The following PIK3C3 variants were observed in gnomAD, a reference collection of about 807,000 sequenced individuals.
The protein encoded by PIK3C3 is PI3-kinase type 3.
PIK3C3 carries 95 observed loss-of-function variants against 126.1 expected under a neutral mutation model. The observed-to-expected ratio is 0.75, with a 90% CI of 0.64 to 0.89. The LOEUF (loss-of-function observed/expected upper bound fraction) is 0.89, where lower values mean the gene tolerates loss of function less well. Among genes scored for constraint, PIK3C3 ranks in the 40% least tolerant of loss-of-function variants. PIK3C3 has a pLI of 0.00. For missense variants in PIK3C3, 829 were observed against 1,063.2 expected (o/e 0.78, Z 3.06); for synonymous variants, 374 against 360.0 (o/e 1.04, Z -0.44).
chr18:42,079,695 T>C (rs1366791293), intron 24 of PIK3C3, among the ~76,000 whole-genome samples: 1 of 152,214 alleles, frequency 6.6e-6, no homozygotes, highest in Admixed American at 6.5e-5. Flanking sequence ...TTGTCATACA[T>C]AGACGCATAC....
chr18:42,030,169 C>A (rs1983759593), intron 15 of PIK3C3, among the ~76,000 whole-genome samples: 1 of 152,142 alleles, frequency 6.6e-6, no homozygotes, highest in Non-Finnish European at 1.5e-5. Flanking sequence ...ATCATTTAGA[C>A]TAGAATTCTT....
rs373306733 is a variant in PIK3C3, at chr18:41,993,272, C to A, written c.717C>A (p.Asp239Glu). Residue 239 changes from aspartate to glutamate, a missense_variant and splice_region_variant, in exon 7 of 25, where the codon GAC (aspartate) becomes GAA (glutamate). Physicochemically the swap from Asp to Glu is conservative, Grantham distance 45. Coordinates refer to ENST00000262039, the MANE Select transcript of PIK3C3 (RefSeq NM_002647.4). ...AAAATTATTGCTCTGTAATCTAGGACGGTGATGAATCATCTCCAATTTTAA... is the reference window on the plus strand; with the variant it reads ...AAAATTATTGCTCTGTAATCTAGGAAGGTGATGAATCATCTCCAATTTTAA... ...KEYGIVYYEK[D>E]GDESSPILTS... The A allele has an allele frequency of 6.3e-7, 1 of 1,595,024 alleles. No individual in the cohort carries two copies. The highest frequency in any genetic ancestry group is 8.6e-7 in the Non-Finnish European group (1 of 1,163,898).
At chr18:42,050,386 C>CT (rs1984749028) in intron 21 of PIK3C3, 1 of 152,216 alleles carries the variant, frequency 6.6e-6, no homozygotes, top group Non-Finnish European at 1.5e-5. Context: ...AGCTTCCAGA[C>CT]TTACAGCTTT....
At chr18:42,049,098 C>A (rs1421887680) in intron 20 of PIK3C3, among the ~76,000 whole-genome samples, 1 of 152,142 alleles carries the variant, frequency 6.6e-6, no homozygotes, top group Admixed American at 6.5e-5. Flanking sequence ...ATTTGGTTTT[C>A]TATCTGCTTC....
chr18:41,961,567 C>A (rs1236226469), intron 2 of PIK3C3, among the ~76,000 whole-genome samples: 1 of 151,406 alleles, frequency 6.6e-6, no homozygotes, highest in African/African-American at 2.5e-5. Context: ...AATGTTTTAG[C>A]AATACAGATG....
chr18:41,956,548 CT>C lies in PIK3C3; in HGVS notation c.69-1000del, dbSNP rs57601171. On this transcript the variant is annotated intron_variant, in intron 1 of 24. Coordinates refer to ENST00000262039, the MANE Select transcript of PIK3C3 (RefSeq NM_002647.4). ...AAGAAAAAGCCAAAAAAACCGGTCC[CT>C]TTTTTTTTTTTTTTTTTTTTTGGAG... Among the ~76,000 whole-genome samples the C allele has an allele frequency of 9.3e-3, 933 of 100,220 alleles. 2 individuals are homozygous for C. Among genetic ancestry groups the C allele is most frequent in the African/African-American group, 0.024 (580 of 23,954 alleles). 65.7% of individuals were successfully genotyped at this position (100,220 alleles called of 152,430 possible).
chr18:42,040,074 T>C (rs906243494), intron 18 of PIK3C3, among the ~76,000 whole-genome samples: 3 of 151,878 alleles, frequency 2.0e-5, no homozygotes, highest in African/African-American at 4.8e-5. Context: ...TTTTAATATA[T>C]CCATTGTTTT....
At chr18:42,080,772 C>T (rs1396817361) in intron 24 of PIK3C3, among the ~76,000 whole-genome samples, 1 of 152,186 alleles carries the variant, frequency 6.6e-6, no homozygotes, top group Non-Finnish European at 1.5e-5. Context: ...GAACCAAGCA[C>T]ACTACTCAAA....
At position 42,013,383 on chromosome 18, in the gene PIK3C3, T is replaced by C. The variant is rs1240173030; in HGVS notation, c.1171-59T>C. 4 of 941,214 alleles carry C rather than the reference T, an allele frequency of 4.2e-6. No individual in the cohort carries two copies. The African/African-American group carries it at 6.9e-5, about 16-fold the overall frequency. 58.3% of individuals were successfully genotyped at this position (941,214 alleles called of 1,614,324 possible). A position where few individuals can be genotyped will look rare whatever the true frequency, so the allele number is the denominator to read the frequency against. On this transcript the variant is annotated intron_variant, in intron 10 of 24. Coordinates refer to ENST00000262039, the MANE Select transcript of PIK3C3 (RefSeq NM_002647.4). Reference sequence around the variant, plus strand: ...TTACTTGATATTTAGGAATAAATTATGTCTGTAATAATTTTGCATTCTTTT... The same window carrying C: ...TTACTTGATATTTAGGAATAAATTACGTCTGTAATAATTTTGCATTCTTTT...
chr18:42,068,248 G>C (rs1985622937), intron 24 of PIK3C3, among the ~76,000 whole-genome samples: 1 of 152,134 alleles, frequency 6.6e-6, no homozygotes, highest in African/African-American at 2.4e-5. Context: ...TAAACTTTAT[G>C]ATACCTAGGT....
Position 42,055,320 on chromosome 18 carries a change from T to C in PIK3C3, c.2264-2563T>C, listed in dbSNP as rs145792414. Among the ~76,000 whole-genome samples, 19 of 152,278 alleles carry C rather than the reference T, an allele frequency of 1.2e-4. No individual in the cohort carries two copies. In the East Asian group the frequency reaches 3.5e-3, roughly 28 times the overall value. On this transcript the variant is annotated intron_variant, in intron 21 of 24. Coordinates refer to ENST00000262039, the MANE Select transcript of PIK3C3 (RefSeq NM_002647.4). The stretch of plus-strand genomic sequence containing the variant: ...TACTGAAAACTATTATTGAAAAATA[T>C]TGCATCATTGTGCTTTTAACTGAGT...
chr18:42,041,114 G>A lies in PIK3C3; in HGVS notation c.2103+373G>A, dbSNP rs144940086. Among the ~76,000 whole-genome samples the A allele has an allele frequency of 4.4e-3, 674 of 152,108 alleles. 4 individuals carry two copies. The highest frequency in any genetic ancestry group is 0.016 in the African/African-American group (650 of 41,490). ...GGAGAATCGCTTGAACCCGCGAGGT[G>A]GAGACTGCAGTGAGCTGAGATCACA... On this transcript the variant is annotated intron_variant, in intron 19 of 24. Transcript: ENST00000262039.
chr18:42,008,999 T>C (rs1275721349), intron 10 of PIK3C3, among the ~76,000 whole-genome samples: 1 of 152,140 alleles, frequency 6.6e-6, no homozygotes, highest in Non-Finnish European at 1.5e-5. Flanking sequence ...GGTAATAGAT[T>C]GAGCAGCACT....
chr18:42,061,776 A>C (rs1347881410), intron 22 of PIK3C3, among the ~76,000 whole-genome samples: 2 of 152,222 alleles, frequency 1.3e-5, no homozygotes, highest in Non-Finnish European at 2.9e-5. Context: ...TCTAACCTTT[A>C]TATTTATTTC....
chr18:42,023,049 C>T (rs1380978928), intron 13 of PIK3C3, among the ~76,000 whole-genome samples: 1 of 152,048 alleles, frequency 6.6e-6, no homozygotes, highest in African/African-American at 2.4e-5. Flanking sequence ...TTCAAAGCTT[C>T]TTAGGTATTT....
At chr18:42,003,152 G>T (rs2144379769) in intron 9 of PIK3C3, among the ~76,000 whole-genome samples, 1 of 152,226 alleles carries the variant, frequency 6.6e-6, no homozygotes, top group Non-Finnish European at 1.5e-5. Flanking sequence ...ATAAAATCAA[G>T]AATAAGTTAG....
chr18:41,970,548 A>T (rs1405903581), intron 4 of PIK3C3, 92 bp downstream of exon 4: 19 of 1,090,406 alleles, frequency 1.7e-5, no homozygotes, highest in Middle Eastern at 2.0e-4. Flanking sequence ...TCAGATTTTT[A>T]AAAAATCTAA....
intron 24 of PIK3C3, among the ~76,000 whole-genome samples, chr18:42,080,093 T>A (rs1986195859): frequency 6.6e-6 from 1 of 151,898 alleles, no homozygotes; most frequent in Admixed American, 6.6e-5. Context: ...TCCCACAGAA[T>A]CTGAGACACT....
chr18:41,963,044 G>C (rs910925868), intron 3 of PIK3C3, among the ~76,000 whole-genome samples: 1 of 151,922 alleles, frequency 6.6e-6, no homozygotes, highest in South Asian at 2.1e-4. Context: ...TGATAGAAAA[G>C]ATAATTCAGT....
Sources: gnomAD v4.1 joint callset for allele counts (sites outside exome capture counted in the v4.1 genomes callset) on GRCh38, gnomAD v4.1.1 for gene constraint, MANE v1.5 for transcripts, NCBI Gene and HGNC (gene_info 2026-07-23, HGNC 2026-07-21) for gene names.